Variants in BABAM2 observed in about 807,000 individuals in gnomAD.
BABAM2 encodes BRISC and BRCA1 A complex member 2.
A neutral mutation model predicts 54.7 loss-of-function variants in BABAM2; 31 were observed. The observed-to-expected ratio is 0.57, with a 90% confidence interval of 0.43 to 0.77. BABAM2 has a LOEUF of 0.77. Ranked by LOEUF, BABAM2 falls within the 30% of genes least tolerant of loss-of-function variation. The probability of loss-of-function intolerance (pLI) is 0.00; values close to 1 mark genes in which losing one functional copy is unlikely to be tolerated. For synonymous variants in BABAM2, 167 were observed against 162.9 expected (o/e 1.03, Z -0.19); for missense variants, 364 against 455.8 (o/e 0.80, Z 1.83).
intron 11 of BABAM2, 103 bp downstream of exon 11, chr2:28,298,594 G>A (rs1015586057): frequency 3.6e-6 from 5 of 1,382,296 alleles, no homozygotes; most frequent in Non-Finnish European, 4.9e-6. Flanking sequence ...CCCTGTGCAT[G>A]TTTTTGTAAA....
At chr2:28,039,800 C>G (rs566786521) in intron 5 of BABAM2, among the ~76,000 whole-genome samples, 10 of 152,242 alleles carry the variant, frequency 6.6e-5, no homozygotes, top group Non-Finnish European at 1.0e-4. Context: ...AGTTGCTTGC[C>G]AACGTACTAT....
intron 3 of BABAM2, among the ~76,000 whole-genome samples, chr2:27,966,520 T>C (rs1335775726): frequency 6.6e-6 from 1 of 152,232 alleles, no homozygotes. Flanking sequence ...CTTCAGGTCT[T>C]GTTGATCTGA....
chr2:28,301,683 G>A (rs1461548421), intron 11 of BABAM2, among the ~76,000 whole-genome samples: 8 of 151,870 alleles, frequency 5.3e-5, no homozygotes, highest in Admixed American at 5.3e-4. Flanking sequence ...CTCCCATATG[G>A]GTTTTCCCAT....
chr2:28,269,938 A>T (rs987021709), intron 10 of BABAM2, among the ~76,000 whole-genome samples: 2 of 152,046 alleles, frequency 1.3e-5, no homozygotes, highest in African/African-American at 4.8e-5. Flanking sequence ...AACTATACAT[A>T]TTAGGAAAAT....
intron 5 of BABAM2, among the ~76,000 whole-genome samples, chr2:28,026,958 A>T (rs1172951782): frequency 0.024 from 118 of 4,870 alleles, 3 homozygotes; most frequent in Admixed American, 0.15. Flanking sequence ...TAATATATAT[A>T]AATATATATA....
chr2:28,077,715 A>G (rs1287576839), intron 6 of BABAM2, among the ~76,000 whole-genome samples: 1 of 151,892 alleles, frequency 6.6e-6, no homozygotes, highest in East Asian at 1.9e-4. Flanking sequence ...CACTCCCTCA[A>G]CTCCACCCCA....
In BABAM2 at chr2:28,265,520, C is replaced by T. The variant is rs568794509; in HGVS notation, c.934+20658C>T. Among the ~76,000 whole-genome samples, 35 of 152,250 alleles carry T rather than the reference C, an allele frequency of 2.3e-4. No homozygotes were observed. The South Asian group carries it at 6.4e-3, about 28-fold the overall frequency. On this transcript the variant is annotated intron_variant, in intron 10 of 11. Transcript: ENST00000379624. ...GAAAACTGAAAAGCGGGTAGCTGCT[C>T]CAGTAGTCCCCTCTCCATGACTCCT...
At chr2:27,900,311 A>G (rs940496981) in intron 2 of BABAM2, among the ~76,000 whole-genome samples, 1 of 152,170 alleles carries the variant, frequency 6.6e-6, no homozygotes, top group Non-Finnish European at 1.5e-5. Flanking sequence ...TAAGTTATCT[A>G]TATTCTAGAT....
intron 7 of BABAM2, among the ~76,000 whole-genome samples, chr2:28,205,811 G>T (rs926621357): frequency 5.3e-5 from 8 of 152,218 alleles, no homozygotes; most frequent in Admixed American, 5.2e-4. Flanking sequence ...TGGATGAGTA[G>T]AAATTTATTT....
At chr2:28,311,805 C>T (rs1299360243) in intron 11 of BABAM2, among the ~76,000 whole-genome samples, 3 of 152,080 alleles carry the variant, frequency 2.0e-5, no homozygotes, top group Non-Finnish European at 4.4e-5. Context: ...TCTCTGTTGC[C>T]GGAGGTCAGA....
chr2:28,003,811 A>C (rs1236850291), intron 4 of BABAM2, among the ~76,000 whole-genome samples: 6 of 152,214 alleles, frequency 3.9e-5, no homozygotes, highest in African/African-American at 1.4e-4. Flanking sequence ...ATTTGAATGT[A>C]AAAATGGAAA....
chr2:28,250,320 T>C (rs1683329738), intron 10 of BABAM2, among the ~76,000 whole-genome samples: 1 of 143,522 alleles, frequency 7.0e-6, no homozygotes, highest in Non-Finnish European at 1.5e-5. Flanking sequence ...TTGTTGAACT[T>C]TTTTTTTTTT....
At chr2:28,229,258 G>A (rs1022011796) in intron 7 of BABAM2, among the ~76,000 whole-genome samples, 2 of 152,132 alleles carry the variant, frequency 1.3e-5, no homozygotes, top group Non-Finnish European at 2.9e-5. Flanking sequence ...CCTGGAGTTC[G>A]ATGCCTCTTT....
intron 10 of BABAM2, among the ~76,000 whole-genome samples, chr2:28,253,954 A>G (rs1683729366): frequency 6.6e-6 from 1 of 152,222 alleles, no homozygotes; most frequent in Admixed American, 6.5e-5. Flanking sequence ...CATTGAAAGA[A>G]CAAAACTAAG....
chr2:28,007,004 C>G (rs1056567218), intron 4 of BABAM2, among the ~76,000 whole-genome samples: 6 of 151,768 alleles, frequency 4.0e-5, no homozygotes, highest in Non-Finnish European at 7.4e-5. Flanking sequence ...AATAAAATAC[C>G]CCTTCCACTA....
chr2:28,295,115 A>G (rs1277155827), intron 10 of BABAM2, among the ~76,000 whole-genome samples: 1 of 152,210 alleles, frequency 6.6e-6, no homozygotes, highest in Non-Finnish European at 1.5e-5. Context: ...AGGGAGTCAA[A>G]GAAGATGGTT....
intron 10 of BABAM2, among the ~76,000 whole-genome samples, chr2:28,260,188 A>T (rs1684369445): frequency 6.7e-6 from 1 of 150,276 alleles, no homozygotes; most frequent in Non-Finnish European, 1.5e-5. Flanking sequence ...GAGCCACCAC[A>T]CCCAGCCTTC....
chr2:27,958,981 G>C (rs1050414282), intron 3 of BABAM2, among the ~76,000 whole-genome samples: 1 of 152,196 alleles, frequency 6.6e-6, no homozygotes, highest in Non-Finnish European at 1.5e-5. Flanking sequence ...TTTGTGAAAT[G>C]GAAGGACACC....
At chr2:28,043,237 TCTCATGC>T (rs1677273658) in intron 5 of BABAM2, among the ~76,000 whole-genome samples, 1 of 151,300 alleles carries the variant, frequency 6.6e-6, no homozygotes, top group Non-Finnish European at 1.5e-5. Context: ...TTCAAGGGAT[TCTCATGC>T]CTCAGCCGCC....
Sources: allele counts gnomAD v4.1 joint callset (sites outside exome capture counted in the v4.1 genomes callset), GRCh38; gene constraint gnomAD v4.1.1; transcripts MANE v1.5; gene names NCBI Gene and HGNC (gene_info 2026-07-23, HGNC 2026-07-21).